The following SAMD10 variants were observed in gnomAD, a reference collection of about 807,000 sequenced individuals.
SAMD10 encodes the protein sterile alpha motif domain containing 10.
A neutral mutation model predicts 22.5 loss-of-function variants in SAMD10; 16 were observed. The observed-to-expected ratio is 0.71, with a 90% CI of 0.48 to 1.08. The LOEUF is 1.08. Among genes scored for constraint, SAMD10 ranks in the 50% least tolerant of loss-of-function variants. SAMD10 has a pLI of 0.00. For missense variants in SAMD10, 227 were observed against 281.3 expected, an observed-to-expected ratio of 0.81 and a Z score of 1.38; for synonymous variants, 118 against 122.2, an observed-to-expected ratio of 0.97 and a Z score of 0.23.
Position 63,975,851 on chromosome 20 carries a change from G to A in SAMD10, c.446-19C>T, listed in dbSNP as rs2059018755. 5 of 1,574,004 alleles carry A rather than the reference G, an allele frequency of 3.2e-6. No individual in the cohort carries two copies. Among genetic ancestry groups the A allele is most frequent in the Non-Finnish European group, 4.3e-6 (5 of 1,166,898 alleles). On this transcript the variant is annotated intron_variant, in intron 3 of 4. Transcript: ENST00000369886. ...GCCCGGCCTGGGGAGAGGAAAGAGG[G>A]GCTGAGCTGAGGCCAACAGAGGCAT...
chr20:63,979,084 GT>G lies in SAMD10; in HGVS notation c.91+292del, dbSNP rs1216354678. On this transcript the variant is annotated intron_variant, in intron 1 of 4. Coordinates refer to ENST00000369886, the MANE Select transcript of SAMD10 (RefSeq NM_080621.5). The surrounding 1 kb of genome is among the most constrained non-coding windows in gnomAD (Gnocchi z 7.7). Reference sequence around the variant, plus strand: ...GGCCCCACTGCAAAAGCGGGGGAGGGTTTTCCCCGTGCGCAGGAAAAGGTGA... The same window carrying G: ...GGCCCCACTGCAAAAGCGGGGGAGGGTTTCCCCGTGCGCAGGAAAAGGTGA... Among the ~76,000 whole-genome samples the G allele has an allele frequency of 1.5e-4, 23 of 152,274 alleles. No homozygotes were observed. The East Asian group carries it at 4.3e-3, about 28-fold the overall frequency.
Position 63,979,588 on chromosome 20 carries a change from G to T in SAMD10, c.-121C>A, listed in dbSNP as rs900077670. 6 of 983,930 alleles carry T rather than the reference G, an allele frequency of 6.1e-6. No homozygotes were observed. The highest frequency in any genetic ancestry group is 5.3e-5 in the African/African-American group (3 of 56,852). 60.9% of individuals were successfully genotyped at this position (983,930 alleles called of 1,614,324 possible). ...CCCCAGCCGGCCCCGCGCCCGAGCC[G>T]GTCCCCGCGGCCCGCGAGTGTGCGC... On this transcript the variant is annotated 5_prime_UTR_variant, in exon 1 of 5. Coordinates refer to ENST00000369886, the MANE Select transcript of SAMD10 (RefSeq NM_080621.5). The surrounding 1 kb of genome is among the most constrained non-coding windows in gnomAD (Gnocchi z 7.7).
chr20:63,975,480 C>T lies in SAMD10; in HGVS notation c.*30G>A, dbSNP rs2059015433. ...CTAGCCGTGGACTCCCATCACAGTG[C>T]TGGGGTCTGGGTTCAAGCCTCAGCA... is the stretch of plus-strand genomic sequence containing the variant. On this transcript the variant is annotated 3_prime_UTR_variant, in exon 5 of 5. Transcript: ENST00000369886. The T allele has an allele frequency of 6.2e-7, 1 of 1,612,228 alleles. No individual in the cohort carries two copies. The highest frequency in any genetic ancestry group is 2.2e-5 in the East Asian group (1 of 44,820).
chr20:63,979,870 G>C (rs997086716), upstream of SAMD10: 3 of 176,566 alleles, frequency 1.7e-5, no homozygotes, highest in Non-Finnish European at 3.3e-5. The surrounding 1 kb of genome is among the most constrained non-coding windows in gnomAD (Gnocchi z 7.7). Context: ...CAGGACAAGG[G>C]GCAGGTCAAC....
rs1291635385 is a variant in SAMD10 at position 63,976,975 on chromosome 20, G to A, written c.441C>T (p.Ile147=). ...GCACCCTCAGCGCCACTGTACCGGT[G>A]ATGGCATGCTGGGAGAAGGCCTCCA... ...VYVEAFSQHA[I]TGRALLRLNA... The change falls in exon 3 of 5, where the codon ATC becomes ATT. Residue 147 remains isoleucine, a synonymous_variant. Transcript: ENST00000369886. The A allele has an allele frequency of 1.9e-6, 3 of 1,613,974 alleles. No individual in the cohort carries two copies. Among genetic ancestry groups the A allele is most frequent in the African/African-American group, 2.7e-5 (2 of 74,922 alleles).
In SAMD10 at chr20:63,975,203, AC is replaced by A. The variant is rs2059013160; in HGVS notation, c.*306del. 2.1e-6 allele frequency: 1 copy of A among 478,212 alleles called. No individual in the cohort carries two copies. Among genetic ancestry groups the A allele is most frequent in the African/African-American group, 2.1e-5 (1 of 48,680 alleles). 29.6% of individuals were successfully genotyped at this position (478,212 alleles called of 1,614,324 possible). ...CTGGGAGTCTAGGGGGGACATCCAA[AC>A]CGGTTCTGGCTCCAGGCAGCTGCCC... On this transcript the variant is annotated 3_prime_UTR_variant, in exon 5 of 5. Coordinates refer to ENST00000369886, the MANE Select transcript of SAMD10 (RefSeq NM_080621.5).
chr20:63,977,311 G>A lies in SAMD10; in HGVS notation c.187C>T (p.Leu63Phe). ...TGGCTGCGGGAGTCATGCCACGTGA[G>A]GCTGGTGCCAGGTGTCCGAGGCAAG... ...CHLPRTPGTS[L>F]TWHDSRSQRA... Residue 63 changes from leucine (L) to phenylalanine (F), a missense_variant, in exon 2 of 5, where the codon CTC becomes TTC. Coordinates refer to ENST00000369886, the MANE Select transcript of SAMD10 (RefSeq NM_080621.5). The surrounding 1 kb of genome is among the most constrained non-coding windows in gnomAD (Gnocchi z 5.4). 2.5e-6 allele frequency: 4 copies of A among 1,613,558 alleles called. No individual in the cohort carries two copies. The highest frequency in any genetic ancestry group is 1.7e-5 in the Admixed American group (1 of 60,024).
intron 3 of SAMD10, among the ~76,000 whole-genome samples, chr20:63,976,764 C>CAAAAAAAAAAAAA (rs60461303): frequency 3.0e-4 from 19 of 63,926 alleles, no homozygotes; most frequent in African/African-American, 1.1e-3. Flanking sequence ...TCTGTCTCAC[C>CAAAAAAAAAAAAA]AAAAAAAAAA....
chr20:63,975,357 A>G lies in SAMD10; in HGVS notation c.*153T>C. 1 of 826,252 alleles carries G rather than the reference A, an allele frequency of 1.2e-6. No homozygotes were observed. The highest frequency in any genetic ancestry group is 1.9e-6 in the Non-Finnish European group (1 of 523,644). The allele number at this position is 826,252 out of a possible 1,614,324, so 51.2% of individuals were successfully genotyped here. Reference sequence around the variant, plus strand: ...GGAATGTCCAACCAGAGGCGCCTGGAGGTGTGATCCTGGTCCTGTCTGTCC... The same window carrying G: ...GGAATGTCCAACCAGAGGCGCCTGGGGGTGTGATCCTGGTCCTGTCTGTCC... On this transcript the variant is annotated 3_prime_UTR_variant, in exon 5 of 5. Transcript: ENST00000369886.
chr20:63,978,367 G>C (rs778495458), intron 1 of SAMD10: 1 of 1,235,292 alleles, frequency 8.1e-7, no homozygotes, highest in Non-Finnish European at 1.1e-6. Context: ...AGAGCCTGTG[G>C]GGAGACAGAA....
rs892640805 is a variant in SAMD10 at position 63,979,266 on chromosome 20, C to T, written c.91+111G>A. On this transcript the variant is annotated intron_variant, in intron 1 of 4. Coordinates refer to ENST00000369886, the MANE Select transcript of SAMD10 (RefSeq NM_080621.5). This position sits in a 1 kb window ranked among gnomAD's most constrained non-coding sequence, Gnocchi z 7.7. ...GTTGAGCCGAGACATCCGCCGAATACCCCCAGCCACCGCCGCTCGAAGCCC... is the reference window on the plus strand; with the variant it reads ...GTTGAGCCGAGACATCCGCCGAATATCCCCAGCCACCGCCGCTCGAAGCCC... 8.1e-6 allele frequency: 6 copies of T among 738,982 alleles called. No homozygotes were observed. Among genetic ancestry groups the T allele is most frequent in the African/African-American group, 1.9e-5 (1 of 52,396 alleles). The allele number at this position is 738,982 out of a possible 1,614,324, so 45.8% of individuals were successfully genotyped here. A position where few individuals can be genotyped will look rare whatever the true frequency, so the allele number is the denominator to read the frequency against.
Position 63,975,537 on chromosome 20 carries a change from G to A in SAMD10, c.587-5C>T, listed in dbSNP as rs2059015934. 1 of 1,606,368 alleles carries A rather than the reference G, an allele frequency of 6.2e-7. No individual in the cohort carries two copies. Among genetic ancestry groups the A allele is most frequent in the Non-Finnish European group, 8.5e-7 (1 of 1,177,814 alleles). On this transcript the variant is annotated splice_polypyrimidine_tract_variant and splice_region_variant and intron_variant, in intron 4 of 4. Coordinates refer to ENST00000369886, the MANE Select transcript of SAMD10 (RefSeq NM_080621.5). ...AGGACATTTTCCCGAAGGAAGCTGT[G>A]TGATGGAAGAGGGTGAGAATGGGGT... is the stretch of plus-strand genomic sequence containing the variant.
chr20:63,979,332 AC>A lies in SAMD10; in HGVS notation c.91+44del, dbSNP rs1245725118. On this transcript the variant is annotated intron_variant, in intron 1 of 4. Transcript: ENST00000369886. This position sits in a 1 kb window ranked among gnomAD's most constrained non-coding sequence, Gnocchi z 7.7. The stretch of plus-strand genomic sequence containing the variant: ...GCCCCCGTGCCTCTGGGTCCCTGAG[AC>A]CCCCGCCCGAGAAATCCCCGCTCCC... 1.7e-6 allele frequency: 2 copies of A among 1,147,164 alleles called. No homozygotes were observed. Among genetic ancestry groups the A allele is most frequent in the Non-Finnish European group, 2.3e-6 (2 of 854,706 alleles). The allele number at this position is 1,147,164 out of a possible 1,614,324, so 71.1% of individuals were successfully genotyped here.
upstream of SAMD10, chr20:63,979,767 C>T (rs1439939814): frequency 2.0e-5 from 17 of 868,492 alleles, no homozygotes; most frequent in Non-Finnish European, 2.2e-5. The surrounding 1 kb of genome is among the most constrained non-coding windows in gnomAD (Gnocchi z 7.7). Flanking sequence ...GGAGAGTCCC[C>T]GTGAACCTGC....
chr20:63,976,242 G>A (rs917502839), intron 3 of SAMD10, among the ~76,000 whole-genome samples: 2 of 151,978 alleles, frequency 1.3e-5, no homozygotes, highest in African/African-American at 2.4e-5. Context: ...GAAAAAGGGA[G>A]GAGAGAGAGA....
Position 63,977,291 on chromosome 20 carries a change from G to A in SAMD10, c.207C>T (p.Arg69=). 1 of 1,613,498 alleles carries A rather than the reference G, an allele frequency of 6.2e-7. No individual in the cohort carries two copies. Among genetic ancestry groups the A allele is most frequent in the Non-Finnish European group, 8.5e-7 (1 of 1,180,030 alleles). ...GCCTGCTGCTGGCCGCCCTCTGGCT[G>A]CGGGAGTCATGCCACGTGAGGCTGG... The part of the protein sequence containing the change: ...PGTSLTWHDS[R]SQRAASSRPI... Residue 69 remains arginine, a synonymous_variant, in exon 2 of 5, where the codon CGC becomes CGT. Transcript: ENST00000369886. This position sits in a 1 kb window ranked among gnomAD's most constrained non-coding sequence, Gnocchi z 5.4.
chr20:63,979,428 C>G lies in SAMD10; in HGVS notation c.40G>C (p.Gly14Arg). ...ELRSKLSPPR[G>R]RAGAVRAGFG... ...CCCGCGCGCACGGCCCCGGCGCGGC[C>G]ACGCGGGGGGCTCAGCTTGGACCTC... Residue 14 changes from glycine to arginine, a missense_variant, in exon 1 of 5, where the codon GGC becomes CGC. Physicochemically the swap from Gly to Arg is moderately radical, Grantham distance 125. Transcript: ENST00000369886. This position sits in a 1 kb window ranked among gnomAD's most constrained non-coding sequence, Gnocchi z 7.7. The G allele has an allele frequency of 6.8e-7, 1 of 1,477,688 alleles. No individual in the cohort carries two copies. Among genetic ancestry groups the G allele is most frequent in the Non-Finnish European group, 8.9e-7 (1 of 1,120,604 alleles). 91.5% of individuals were successfully genotyped at this position (1,477,688 alleles called of 1,614,324 possible). A position where few individuals can be genotyped will look rare whatever the true frequency, so the allele number is the denominator to read the frequency against.
upstream of SAMD10, chr20:63,979,738 C>T: frequency 1.0e-6 from 1 of 953,800 alleles, no homozygotes; most frequent in South Asian, 4.8e-5. This position sits in a 1 kb window ranked among gnomAD's most constrained non-coding sequence, Gnocchi z 7.7. Flanking sequence ...CCGTGCGCCC[C>T]TGGGCACGGC....
rs1328787573 is a variant in SAMD10, at chr20:63,977,415, G to C, written c.92-9C>G. 3 of 1,612,262 alleles carry C rather than the reference G, an allele frequency of 1.9e-6. No individual in the cohort carries two copies. The highest frequency in any genetic ancestry group is 1.7e-6 in the Non-Finnish European group (2 of 1,179,688). On this transcript the variant is annotated splice_polypyrimidine_tract_variant and intron_variant, in intron 1 of 4. Coordinates refer to ENST00000369886, the MANE Select transcript of SAMD10 (RefSeq NM_080621.5). The surrounding 1 kb of genome is among the most constrained non-coding windows in gnomAD (Gnocchi z 5.4). ...GCTGAAGTGGGCAGTGGCTGTGTGTGGGGGTGCCTGGTCAGGGCAGTCAAG... is the reference window on the plus strand; with the variant it reads ...GCTGAAGTGGGCAGTGGCTGTGTGTCGGGGTGCCTGGTCAGGGCAGTCAAG...
Sources: gnomAD v4.1 joint callset for allele counts (sites outside exome capture counted in the v4.1 genomes callset) on GRCh38, gnomAD v4.1.1 for gene constraint, Gnocchi (gnomAD v3.1) non-coding constraint, MANE v1.5 for transcripts, NCBI Gene and HGNC (gene_info 2026-07-23, HGNC 2026-07-21) for gene names.